CNTNAP5: variants seen among roughly 807,000 people sequenced by gnomAD.
CNTNAP5 encodes the protein contactin associated protein family member 5.
In CNTNAP5, 72 loss-of-function variants were observed where a neutral mutation model predicts 150.2. That is an observed-to-expected ratio of 0.48 (90% CI 0.40 to 0.58). The LOEUF (loss-of-function observed/expected upper bound fraction) is 0.58. Ranked by LOEUF, CNTNAP5 falls within the 20% of genes least tolerant of loss-of-function variation. The pLI is 0.00. For missense variants in CNTNAP5, 1,636 were observed against 1,626.2 expected (o/e 1.01, Z -0.10); for synonymous variants, 672 against 619.8 (o/e 1.08, Z -1.25).
intron 1 of CNTNAP5, among the ~76,000 whole-genome samples, chr2:124,135,856 C>T (rs139517289): frequency 3.9e-5 from 6 of 152,290 alleles, no homozygotes; most frequent in Non-Finnish European, 7.4e-5. Flanking sequence ...ATATAAACTG[C>T]GTTTATTCCT....
At chr2:124,205,784 C>T (rs1685848497) in intron 1 of CNTNAP5, among the ~76,000 whole-genome samples, 1 of 152,152 alleles carries the variant, frequency 6.6e-6, no homozygotes, top group Non-Finnish European at 1.5e-5. Flanking sequence ...AGAGAATTCT[C>T]TTTTTTCCTC....
chr2:124,422,395 G>A (rs1443057633), intron 4 of CNTNAP5, among the ~76,000 whole-genome samples: 2 of 152,102 alleles, frequency 1.3e-5, no homozygotes, highest in Non-Finnish European at 2.9e-5. Context: ...CAGGCATCTT[G>A]CAACACTCTA....
chr2:124,730,432 T>C (rs896025717), intron 13 of CNTNAP5, among the ~76,000 whole-genome samples: 1 of 152,038 alleles, frequency 6.6e-6, no homozygotes, highest in African/African-American at 2.4e-5. Flanking sequence ...TAAAATATGC[T>C]GGCATGTAAT....
intron 12 of CNTNAP5, among the ~76,000 whole-genome samples, chr2:124,646,716 G>T (rs529251172): frequency 6.6e-6 from 1 of 152,244 alleles, no homozygotes; most frequent in Non-Finnish European, 1.5e-5. Context: ...TGTATTTGTG[G>T]TTGCTTTTCC....
At chr2:124,603,152 A>G (rs1697024653) in intron 11 of CNTNAP5, among the ~76,000 whole-genome samples, 1 of 151,882 alleles carries the variant, frequency 6.6e-6, no homozygotes, top group East Asian at 1.9e-4. Context: ...ACTGACTGAT[A>G]TATCTTTTGC....
At chr2:124,834,160 G>T (rs1259822778) in intron 19 of CNTNAP5, among the ~76,000 whole-genome samples, 1 of 152,124 alleles carries the variant, frequency 6.6e-6, no homozygotes, top group African/African-American at 2.4e-5. Context: ...ATAAATTGCT[G>T]ATAAATTGGC....
chr2:124,669,711 A>G (rs1162206597), intron 13 of CNTNAP5, among the ~76,000 whole-genome samples: 1 of 152,218 alleles, frequency 6.6e-6, no homozygotes, highest in Non-Finnish European at 1.5e-5. Flanking sequence ...CTTTGTAAAT[A>G]GCAAGTCATT....
At chr2:124,258,782 T>C (rs1179788198) in intron 3 of CNTNAP5, among the ~76,000 whole-genome samples, 1 of 152,164 alleles carries the variant, frequency 6.6e-6, no homozygotes, top group Non-Finnish European at 1.5e-5. Flanking sequence ...CTTCCTACAA[T>C]AGGACATGTA....
chr2:124,325,111 G>T (rs545666949), intron 3 of CNTNAP5, among the ~76,000 whole-genome samples: 5 of 152,284 alleles, frequency 3.3e-5, no homozygotes, highest in South Asian at 4.1e-4. Flanking sequence ...GCCTTTGGAA[G>T]GTGAGGGTGA....
At chr2:124,208,342 T>A (rs992469780) in intron 1 of CNTNAP5, among the ~76,000 whole-genome samples, 2 of 152,218 alleles carry the variant, frequency 1.3e-5, no homozygotes, top group Non-Finnish European at 2.9e-5. Flanking sequence ...CCAGGATTCT[T>A]ATTGAGTTAT....
At chr2:124,356,838 G>A (rs1165820088) in intron 3 of CNTNAP5, among the ~76,000 whole-genome samples, 15 of 151,130 alleles carry the variant, frequency 9.9e-5, no homozygotes, top group African/African-American at 3.2e-4. Context: ...GGGATGGCTG[G>A]GTCAAATGGT....
intron 3 of CNTNAP5, among the ~76,000 whole-genome samples, chr2:124,321,424 C>T (rs896648330): frequency 7.6e-6 from 1 of 131,496 alleles, no homozygotes; most frequent in African/African-American, 2.9e-5. Context: ...GCCTGGGCAA[C>T]AAGAGCGAAA....
chr2:124,204,385 T>A (rs559496606), intron 1 of CNTNAP5, among the ~76,000 whole-genome samples: 2 of 152,306 alleles, frequency 1.3e-5, no homozygotes, highest in East Asian at 3.9e-4. Flanking sequence ...TTCCAAACTT[T>A]CCCACATTTT....
chr2:124,647,871 C>G lies in CNTNAP5; in HGVS notation c.1990C>G (p.Gln664Glu). 1 of 1,613,230 alleles carries G rather than the reference C, an allele frequency of 6.2e-7. No individual in the cohort carries two copies. Among genetic ancestry groups the G allele is most frequent in the South Asian group, 1.1e-5 (1 of 90,866 alleles). ...CTTGGACTACGGGGGCAGCATGGAACAGCTGGAGGCCGTGATCGACGGCTC... is the reference window on the plus strand; with the variant it reads ...CTTGGACTACGGGGGCAGCATGGAAGAGCTGGAGGCCGTGATCGACGGCTC... ...MALDYGGSME[Q>E]LEAVIDGSEH... Residue 664 changes from glutamine to glutamate, a missense_variant, in exon 13 of 24, where the codon CAG becomes GAG. Gln to Glu is a conservative substitution (Grantham distance 29, BLOSUM62 2). Transcript: ENST00000682447.
intron 1 of CNTNAP5, among the ~76,000 whole-genome samples, chr2:124,186,252 C>T (rs1396250935): frequency 6.6e-6 from 1 of 152,190 alleles, no homozygotes; most frequent in Non-Finnish European, 1.5e-5. Context: ...CACTGGCTTA[C>T]ATATGAAGAC....
At chr2:124,369,755 T>C (rs1690471692) in intron 3 of CNTNAP5, among the ~76,000 whole-genome samples, 1 of 152,168 alleles carries the variant, frequency 6.6e-6, no homozygotes, top group African/African-American at 2.4e-5. Flanking sequence ...CACATGTCTG[T>C]TCAAAAATCT....
chr2:124,769,704 G>A (rs1681148151), intron 16 of CNTNAP5, among the ~76,000 whole-genome samples: 1 of 152,046 alleles, frequency 6.6e-6, no homozygotes, highest in Non-Finnish European at 1.5e-5. Flanking sequence ...GACTAGCCAG[G>A]GCAACTGCAC....
At chr2:124,283,403 G>A (rs1688065193) in intron 3 of CNTNAP5, among the ~76,000 whole-genome samples, 1 of 152,184 alleles carries the variant, frequency 6.6e-6, no homozygotes. Flanking sequence ...TCTGACCCTA[G>A]CATCTGCTGC....
At chr2:124,808,082 T>A (rs1049266202) in intron 19 of CNTNAP5, among the ~76,000 whole-genome samples, 1 of 152,172 alleles carries the variant, frequency 6.6e-6, no homozygotes, top group Non-Finnish European at 1.5e-5. Context: ...CCAGCTCCGA[T>A]ACCCACCAGC....
Sources: gnomAD v4.1 joint callset for allele counts (sites outside exome capture counted in the v4.1 genomes callset) on GRCh38, gnomAD v4.1.1 for gene constraint, MANE v1.5 for transcripts, NCBI Gene and HGNC (gene_info 2026-07-23, HGNC 2026-07-21) for gene names.